The following KIAA1549L variants were observed in gnomAD, a reference collection of about 807,000 sequenced individuals.
The protein encoded by KIAA1549L is UPF0606 protein KIAA1549L.
A neutral mutation model predicts 160.7 loss-of-function variants in KIAA1549L; 88 were observed. The observed-to-expected ratio is 0.55, with a 90% CI of 0.46 to 0.65. The LOEUF (loss-of-function observed/expected upper bound fraction) is 0.65, where lower values mean the gene tolerates loss of function less well. Ranked by LOEUF, KIAA1549L falls within the 30% of genes least tolerant of loss-of-function variation. The pLI, the probability that KIAA1549L is intolerant of heterozygous loss-of-function variation, is 0.00. For missense variants in KIAA1549L, 2,258 were observed against 2,437.5 expected, an observed-to-expected ratio of 0.93 and a Z score of 1.55; for synonymous variants, 950 against 976.7, an observed-to-expected ratio of 0.97 and a Z score of 0.51.
intron 8 of KIAA1549L, 67 bp from the exon 9 acceptor site, chr11:33,568,009 G>C: frequency 1.4e-6 from 2 of 1,476,896 alleles, no homozygotes; most frequent in Non-Finnish European, 1.8e-6. Flanking sequence ...GGTCAGTGGT[G>C]CTTGTGCTTA....
intron 1 of KIAA1549L, among the ~76,000 whole-genome samples, chr11:33,462,805 A>C (rs148749592): frequency 4.1e-4 from 63 of 152,030 alleles, no homozygotes; most frequent in African/African-American, 1.3e-3. Flanking sequence ...CTCCGAAATC[A>C]AAGTGTTTTG....
chr11:33,498,860 C>A (rs1852879674), intron 1 of KIAA1549L, among the ~76,000 whole-genome samples: 1 of 152,144 alleles, frequency 6.6e-6, no homozygotes, highest in South Asian at 2.1e-4. Flanking sequence ...ACAGTGAATT[C>A]CCTGCAAGAT....
intron 20 of KIAA1549L, 108 bp from the exon 21 acceptor site, chr11:33,667,765 C>T (rs1852521629): frequency 3.3e-6 from 3 of 909,318 alleles, no homozygotes; most frequent in African/African-American, 1.7e-5. Flanking sequence ...CTTCTAAGTT[C>T]TCTTCCATGT....
rs116229124 is a variant in KIAA1549L, at chr11:33,516,551, T to G, written c.239-25251T>G. Among the ~76,000 whole-genome samples the G allele has an allele frequency of 4.3e-3, 660 of 152,292 alleles. 7 individuals carry two copies. Among genetic ancestry groups the G allele is most frequent in the African/African-American group, 0.015 (605 of 41,560 alleles). ...TGAGCAAGAAGTTGAGGCCCAGAAG[T>G]CTACCAACTTTTCTTACTCCTATCT... On this transcript the variant is annotated intron_variant, in intron 1 of 20. Coordinates refer to ENST00000658780, the MANE Select transcript of KIAA1549L (RefSeq NM_012194.3).
At position 33,559,888 on chromosome 11, in the gene KIAA1549L, A is replaced by C; in HGVS notation, c.3995A>C (p.Tyr1332Ser). 6.2e-7 allele frequency: 1 copy of C among 1,613,960 alleles called. No homozygotes were observed. Among genetic ancestry groups the C allele is most frequent in the Non-Finnish European group, 8.5e-7 (1 of 1,179,864 alleles). ...GAGCTGGTGGGATTCTACCTCACCT[A>C]TCCGCCGCTAACCATTGCTGAACGT... ...SAELVGFYLTYPPLTIAEPLE... is the reference protein window; with the variant it reads ...SAELVGFYLTSPPLTIAEPLE... Residue 1332 changes from tyrosine (Y) to serine (S), a missense_variant, in exon 7 of 21, where the codon TAT (tyrosine) becomes TCT (serine). By Grantham distance (144) the Tyr-to-Ser change is moderately radical. This residue lies in a region of KIAA1549L where 1,359 missense variants were observed against 1,546.6 expected (regional missense o/e 0.88). Transcript: ENST00000658780.
At chr11:33,473,461 G>A (rs1170462832) in intron 1 of KIAA1549L, among the ~76,000 whole-genome samples, 2 of 152,174 alleles carry the variant, frequency 1.3e-5, no homozygotes, top group African/African-American at 4.8e-5. Flanking sequence ...TTGAAAGGAG[G>A]AAGAGAGAAA....
intron 1 of KIAA1549L, among the ~76,000 whole-genome samples, chr11:33,378,457 C>G (rs1486254287): frequency 6.6e-6 from 1 of 152,188 alleles, no homozygotes; most frequent in Non-Finnish European, 1.5e-5. Flanking sequence ...TAGAGGACTT[C>G]TCATCCACAT....
At chr11:33,576,541 C>T (rs1412826250) in intron 10 of KIAA1549L, among the ~76,000 whole-genome samples, 1 of 152,196 alleles carries the variant, frequency 6.6e-6, no homozygotes. Flanking sequence ...CTTTCTCCCT[C>T]TCTCCAGGTG....
intron 9 of KIAA1549L, among the ~76,000 whole-genome samples, chr11:33,569,374 G>A (rs1023996890): frequency 2.6e-5 from 4 of 152,202 alleles, no homozygotes; most frequent in African/African-American, 9.7e-5. Flanking sequence ...CCTGGTAGCT[G>A]CCTCTGGAGT....
intron 11 of KIAA1549L, among the ~76,000 whole-genome samples, chr11:33,585,753 T>A (rs562199557): frequency 6.6e-6 from 1 of 152,338 alleles, no homozygotes; most frequent in Admixed American, 6.5e-5. Context: ...TCCACATAGC[T>A]TCTGGCTGGA....
chr11:33,631,428 C>T lies in KIAA1549L; in HGVS notation c.5409+12766C>T, dbSNP rs137954767. 1.3e-3 allele frequency among the ~76,000 whole-genome samples: 198 copies of T among 152,344 alleles called. 1 individual carries two copies. Among genetic ancestry groups the T allele is most frequent in the African/African-American group, 4.6e-3 (191 of 41,578 alleles). ...CTGCTTCATCCAGGCCCAGGCTGCT[C>T]AGCCTCCTCGCTGTTAACACTTAGG... On this transcript the variant is annotated intron_variant, in intron 16 of 20. Coordinates refer to ENST00000658780, the MANE Select transcript of KIAA1549L (RefSeq NM_012194.3).
At chr11:33,596,151 C>T (rs1238231279) in intron 12 of KIAA1549L, among the ~76,000 whole-genome samples, 1 of 152,158 alleles carries the variant, frequency 6.6e-6, no homozygotes, top group African/African-American at 2.4e-5. Context: ...CATTCAGTAG[C>T]CTCAAACTGC....
intron 10 of KIAA1549L, among the ~76,000 whole-genome samples, chr11:33,580,838 T>C (rs542115841): frequency 2.0e-5 from 3 of 152,148 alleles, no homozygotes; most frequent in African/African-American, 7.2e-5. Context: ...CGCTAATTAG[T>C]GCTATGGAGA....
At chr11:33,524,462 G>A (rs148782272) in intron 1 of KIAA1549L, among the ~76,000 whole-genome samples, 30 of 151,912 alleles carry the variant, frequency 2.0e-4, no homozygotes, top group Non-Finnish European at 3.2e-4. Flanking sequence ...GTGTTATAAT[G>A]CATTAGTTCC....
At chr11:33,551,327 T>C in intron 5 of KIAA1549L, 68 bp downstream of exon 5, 1 of 1,336,142 alleles carries the variant, frequency 7.5e-7, no homozygotes, top group Non-Finnish European at 1.1e-6. Context: ...AGTGGACACC[T>C]GTTTAAAAGC....
chr11:33,440,405 C>T (rs1004680095), intron 1 of KIAA1549L, among the ~76,000 whole-genome samples: 36 of 152,082 alleles, frequency 2.4e-4, no homozygotes, highest in African/African-American at 8.2e-4. Flanking sequence ...GCTGGGATTA[C>T]AGGCGTGAGC....
intron 1 of KIAA1549L, among the ~76,000 whole-genome samples, chr11:33,392,595 A>C (rs958314114): frequency 6.6e-6 from 1 of 152,192 alleles, no homozygotes; most frequent in African/African-American, 2.4e-5. Flanking sequence ...CCAAAAAGTA[A>C]GTTTTCTTTT....
chr11:33,592,353 A>G (rs1157510058), intron 12 of KIAA1549L, among the ~76,000 whole-genome samples: 2 of 152,118 alleles, frequency 1.3e-5, no homozygotes, highest in Non-Finnish European at 2.9e-5. Context: ...TGGATGAGAG[A>G]TGGGAGAGGT....
chr11:33,612,182 C>G (rs1850664674), intron 15 of KIAA1549L, among the ~76,000 whole-genome samples: 1 of 152,112 alleles, frequency 6.6e-6, no homozygotes, highest in Non-Finnish European at 1.5e-5. Context: ...GAGGGACAGA[C>G]AGAAAAAAGA....
Sources: allele counts gnomAD v4.1 joint callset (sites outside exome capture counted in the v4.1 genomes callset), GRCh38; gene constraint gnomAD v4.1.1; regional missense constraint gnomAD v4.1.1; transcripts MANE v1.5; gene names NCBI Gene and HGNC (gene_info 2026-07-23, HGNC 2026-07-21).